The following ABCA13 variants were observed in gnomAD, a reference collection of about 807,000 sequenced individuals.
The protein encoded by ABCA13 is ATP binding cassette subfamily A member 13, also known as ATP-binding cassette sub-family A member 13.
Under a neutral mutation model 478.7 loss-of-function variants are expected in ABCA13, and 476 were observed. That is an observed-to-expected ratio of 0.99 (90% CI 0.92 to 1.07). The LOEUF is 1.07. Ranked by LOEUF, ABCA13 falls within the 50% of genes least tolerant of loss-of-function variation. The pLI, the probability that ABCA13 is intolerant of heterozygous loss-of-function variation, is 0.00. For missense variants in ABCA13, 6,060 were observed against 5,910.6 expected, an observed-to-expected ratio of 1.03 and a Z score of -0.83; for synonymous variants, 2,252 against 2,158.9, an observed-to-expected ratio of 1.04 and a Z score of -1.20.
intron 41 of ABCA13, among the ~76,000 whole-genome samples, chr7:48,423,997 G>T (rs1020865901): frequency 4.0e-5 from 6 of 151,608 alleles, no homozygotes; most frequent in African/African-American, 1.5e-4. Flanking sequence ...ATTTGAATTG[G>T]CTTATGGCCT....
intron 49 of ABCA13, among the ~76,000 whole-genome samples, chr7:48,507,006 C>A (rs560691681): frequency 6.6e-6 from 1 of 152,178 alleles, no homozygotes; most frequent in East Asian, 1.9e-4. Flanking sequence ...CAAATTAAGT[C>A]GCAGAATGCA....
In ABCA13 at chr7:48,594,943, A is replaced by G. The variant is rs1046435386; in HGVS notation, c.14744+130A>G. On this transcript the variant is annotated intron_variant, in intron 58 of 61. Transcript: ENST00000435803. The stretch of plus-strand genomic sequence containing the variant: ...ATCTTTACAACACAATAATGGTGAT[A>G]TTATTGTTAGCCCTCATTGTATAAA... 9 of 759,134 alleles carry G rather than the reference A, an allele frequency of 1.2e-5. No individual in the cohort carries two copies. In the African/African-American group the frequency reaches 1.6e-4, roughly 13 times the overall value. 47.0% of individuals were successfully genotyped at this position (759,134 alleles called of 1,614,324 possible). A position where few individuals can be genotyped will look rare whatever the true frequency, so the allele number is the denominator to read the frequency against.
At chr7:48,589,591 C>T (rs1789526140) in intron 57 of ABCA13, among the ~76,000 whole-genome samples, 1 of 152,208 alleles carries the variant, frequency 6.6e-6, no homozygotes, top group Non-Finnish European at 1.5e-5. Flanking sequence ...AATATCTACC[C>T]TCTTAGCAAA....
At chr7:48,612,088 A>G (rs1204510638) in intron 58 of ABCA13, 1 of 152,128 alleles carries the variant, frequency 6.6e-6, no homozygotes, top group East Asian at 1.9e-4. Context: ...CAGGCCAACC[A>G]AGGCCTTGGG....
intron 55 of ABCA13, among the ~76,000 whole-genome samples, chr7:48,561,341 A>G (rs1391438264): frequency 6.6e-6 from 1 of 152,074 alleles, no homozygotes; most frequent in South Asian, 2.1e-4. Context: ...CATAATGTTT[A>G]TACTAATACA....
intron 8 of ABCA13, among the ~76,000 whole-genome samples, chr7:48,237,736 A>C (rs1204389408): frequency 6.6e-6 from 1 of 152,180 alleles, no homozygotes; most frequent in African/African-American, 2.4e-5. Context: ...CTGAATTGGA[A>C]AATGATTTAT....
intron 42 of ABCA13, among the ~76,000 whole-genome samples, chr7:48,450,154 C>T (rs1824812431): frequency 6.6e-6 from 1 of 152,192 alleles, no homozygotes; most frequent in African/African-American, 2.4e-5. Flanking sequence ...TAACTCATTT[C>T]ACAACCTCTC....
intron 5 of ABCA13, among the ~76,000 whole-genome samples, chr7:48,224,810 C>G (rs894993782): frequency 2.6e-5 from 4 of 152,116 alleles, no homozygotes; most frequent in Non-Finnish European, 5.9e-5. Context: ...TTTAATATTT[C>G]ATATGTTGTT....
rs1449759138 is a variant in ABCA13 at position 48,546,919 on chromosome 7, C to G, written c.14354+18574C>G. ...AGAGTAGTTTGAATCATAACCTCAC[C>G]AACTAGCAACTAGTTGACAATTTAA... On this transcript the variant is annotated intron_variant, in intron 55 of 61. Transcript: ENST00000435803. Among the ~76,000 whole-genome samples the G allele has an allele frequency of 1.3e-5, 2 of 151,654 alleles. 1 individual carries two copies. Among genetic ancestry groups the G allele is most frequent in the African/African-American group, 4.8e-5 (2 of 41,382 alleles).
In ABCA13 at chr7:48,273,682, A is replaced by T. The variant is rs745404734; in HGVS notation, c.4016A>T (p.His1339Leu). 7 of 1,607,926 alleles carry T rather than the reference A, an allele frequency of 4.4e-6. No individual in the cohort carries two copies. The East Asian group carries it at 1.6e-4, about 36-fold the overall frequency. ...ATAGTATTTCTTAGAAATGTATCACATGATCGAGATTTGTTTTCCTGTGCT... is the reference window on the plus strand; with the variant it reads ...ATAGTATTTCTTAGAAATGTATCACTTGATCGAGATTTGTTTTCCTGTGCT... ...EAIVFLRNVS[H>L]DRDLFSCADI... The change falls in exon 17 of 62, where the codon CAT becomes CTT. Residue 1339 changes from histidine (H) to leucine (L), a missense_variant. His to Leu is a moderately conservative substitution (Grantham distance 99). Transcript: ENST00000435803.
chr7:48,482,099 C>A (rs1828829152), intron 46 of ABCA13, among the ~76,000 whole-genome samples: 1 of 151,702 alleles, frequency 6.6e-6, no homozygotes, highest in Non-Finnish European at 1.5e-5. Context: ...AGATACTGTG[C>A]AACTCATGGA....
chr7:48,339,809 C>T (rs943770459), intron 29 of ABCA13, among the ~76,000 whole-genome samples: 6 of 152,106 alleles, frequency 3.9e-5, no homozygotes, highest in Non-Finnish European at 8.8e-5. Flanking sequence ...ATTTTCCATC[C>T]GACCCTGTAC....
chr7:48,436,445 C>T (rs10480938), intron 42 of ABCA13, among the ~76,000 whole-genome samples: 44,931 of 151,170 alleles, frequency 0.3, 6,694 homozygotes, highest in East Asian at 0.37. Flanking sequence ...TTATCTATTC[C>T]GTTTATCTTT....
Position 48,395,546 on chromosome 7 carries a change from T to C in ABCA13, c.11873+3407T>C, listed in dbSNP as rs374947951. 6.6e-5 allele frequency among the ~76,000 whole-genome samples: 10 copies of C among 152,186 alleles called. No individual in the cohort carries two copies. The East Asian group carries it at 1.3e-3, about 21-fold the overall frequency. On this transcript the variant is annotated intron_variant, in intron 38 of 61. Transcript: ENST00000435803. ...CAGTGTGCCTACCTCTTCTGCTACC[T>C]TTCCTTCTCCTCTGCCTGACCTGCC...
chr7:48,500,195 G>A (rs1242704455), intron 48 of ABCA13, among the ~76,000 whole-genome samples: 2 of 152,150 alleles, frequency 1.3e-5, no homozygotes, highest in Non-Finnish European at 2.9e-5. Context: ...TATGAGACAG[G>A]GCATAGCTAT....
At chr7:48,323,347 G>A (rs1272948895) in intron 27 of ABCA13, among the ~76,000 whole-genome samples, 3 of 152,152 alleles carry the variant, frequency 2.0e-5, no homozygotes, top group African/African-American at 4.8e-5. Flanking sequence ...TAATTATTTG[G>A]CTCTTGTACC....
chr7:48,295,236 G>A (rs1799200823), intron 20 of ABCA13, among the ~76,000 whole-genome samples: 1 of 152,160 alleles, frequency 6.6e-6, no homozygotes, highest in African/African-American at 2.4e-5. Context: ...ACAGGTATGA[G>A]GTAATAGCTC....
chr7:48,594,624 A>G, intron 57 of ABCA13, 86 bp from the exon 58 acceptor site: 1 of 1,275,314 alleles, frequency 7.8e-7, no homozygotes, highest in Non-Finnish European at 1.1e-6. Context: ...TTTTTCTTTC[A>G]CCTGGGGTCT....
In ABCA13 at chr7:48,272,394, C is replaced by T. The variant is rs748576716; in HGVS notation, c.2728C>T (p.Gln910Ter). The T allele has an allele frequency of 5.6e-6, 9 of 1,613,640 alleles. No homozygotes were observed. The highest frequency in any genetic ancestry group is 6.8e-6 in the Non-Finnish European group (8 of 1,179,772). The change falls in exon 17 of 62, where the codon CAG becomes TAG. Residue 910 changes from glutamine to a stop codon, truncating the protein, a stop_gained. Coordinates refer to ENST00000435803, the MANE Select transcript of ABCA13 (RefSeq NM_152701.5). LOFTEE classifies it high-confidence loss of function. ...TCTCCATGAATTTGGATTTTTGGAGCAGGAACAGATCTCAGAAGCTCTGAA... is the reference window on the plus strand; with the variant it reads ...TCTCCATGAATTTGGATTTTTGGAGTAGGAACAGATCTCAGAAGCTCTGAA... ...TSLHEFGFLE[Q>*]EQISEALNTV...
Sources: allele counts gnomAD v4.1 joint callset (sites outside exome capture counted in the v4.1 genomes callset), GRCh38; gene constraint gnomAD v4.1.1; transcripts MANE v1.5; gene names NCBI Gene and HGNC (gene_info 2026-07-23, HGNC 2026-07-21).